ARL10: variants seen among roughly 807,000 people sequenced by gnomAD.
ARL10 encodes the protein ARF like GTPase 10.
A neutral mutation model predicts 26.1 loss-of-function variants in ARL10; 23 were observed. The observed-to-expected ratio is 0.88, with a 90% CI of 0.63 to 1.25. The LOEUF is 1.25. Ranked by LOEUF, ARL10 falls within the 50% of genes most tolerant of loss-of-function variation. The pLI is 0.00. For missense variants in ARL10, 300 were observed against 323.6 expected (o/e 0.93, Z 0.56); for synonymous variants, 138 against 149.1 (o/e 0.93, Z 0.54).
At chr5:176,407,012 C>T in the ARL10 span, among the ~76,000 whole-genome samples, 1 of 152,330 alleles carries the variant, frequency 6.6e-6, no homozygotes, top group African/African-American at 2.4e-5. Flanking sequence ...TGTAAGGATT[C>T]TCGGATGGCA....
chr5:176,384,936 G>C, downstream of ARL10: 1 of 562,504 alleles, frequency 1.8e-6, no homozygotes. Flanking sequence ...CTTCCATCCT[G>C]GGTGACTGAG....
At chr5:176,408,000 G>T in the ARL10 span, among the ~76,000 whole-genome samples, 4 of 152,140 alleles carry the variant, frequency 2.6e-5, no homozygotes, top group African/African-American at 9.7e-5. Context: ...AAAGACCCCA[G>T]GATCAAGGCT....
the ARL10 span, among the ~76,000 whole-genome samples, chr5:176,413,697 T>C: frequency 6.6e-6 from 1 of 152,232 alleles, no homozygotes; most frequent in African/African-American, 2.4e-5. Context: ...TCCAGGCTCC[T>C]GGCACACATC....
downstream of ARL10, chr5:176,389,022 A>T: frequency 6.2e-7 from 1 of 1,603,406 alleles, no homozygotes; most frequent in Non-Finnish European, 8.5e-7. Flanking sequence ...GTGATGTCGG[A>T]GGGAAGGAAG....
chr5:176,401,496 C>T (rs967428702), intron 1 of ARL10, among the ~76,000 whole-genome samples: 2 of 152,212 alleles, frequency 1.3e-5, no homozygotes, highest in Non-Finnish European at 2.9e-5. Flanking sequence ...ATTCCCCAAA[C>T]TTGCCCCACC....
At chr5:176,408,750 G>A in the ARL10 span, among the ~76,000 whole-genome samples, 1 of 152,168 alleles carries the variant, frequency 6.6e-6, no homozygotes, top group Non-Finnish European at 1.5e-5. Context: ...CAAACTCCTG[G>A]ATTCACATGA....
chr5:176,403,874 T>C (rs956622252), downstream of ARL10, among the ~76,000 whole-genome samples: 24 of 152,130 alleles, frequency 1.6e-4, no homozygotes, highest in African/African-American at 5.6e-4. Flanking sequence ...GATTCTCCTG[T>C]CTCAGCCTCA....
At chr5:176,383,927 T>C, downstream of ARL10, 8 of 1,465,748 alleles carry the variant, frequency 5.5e-6, no homozygotes, top group Non-Finnish European at 6.3e-6. Context: ...AGCAGAAAAA[T>C]ACAAAATCAT....
the ARL10 span, chr5:176,410,297 G>T: frequency 6.2e-7 from 1 of 1,613,834 alleles, no homozygotes; most frequent in Non-Finnish European, 8.5e-7. Context: ...CATGTCCTCA[G>T]AACCAGCTGG....
downstream of ARL10, chr5:176,389,383 G>C: frequency 6.2e-7 from 1 of 1,614,106 alleles, no homozygotes; most frequent in Non-Finnish European, 8.5e-7. Context: ...CCTTCCACCG[G>C]GGCAACAGCC....
chr5:176,388,767 A>C (rs1210834887), downstream of ARL10: 48 of 1,591,796 alleles, frequency 3.0e-5, no homozygotes, highest in Non-Finnish European at 3.7e-5. Context: ...CATGACCTTC[A>C]CCGGGAGGCT....
At chr5:176,401,665 C>T (rs892899045) in intron 1 of ARL10, 17 of 450,754 alleles carry the variant, frequency 3.8e-5, no homozygotes, top group Non-Finnish European at 6.7e-5. Context: ...CTCCTGCAAT[C>T]GTCACTCACT....
chr5:176,388,251 G>A, intron 1 of ARL10: 4 of 1,612,520 alleles, frequency 2.5e-6, no homozygotes, highest in African/African-American at 2.7e-5. Context: ...CTTACGGAGG[G>A]GCACCGCCCT....
At chr5:176,411,713 G>T in the ARL10 span, among the ~76,000 whole-genome samples, 11 of 152,066 alleles carry the variant, frequency 7.2e-5, no homozygotes, top group African/African-American at 2.7e-4. Context: ...ATAAATATTT[G>T]CCAGATAAGT....
chr5:176,394,496 A>AC, intron 1 of ARL10, among the ~76,000 whole-genome samples: 1 of 151,830 alleles, frequency 6.6e-6, no homozygotes, highest in Non-Finnish European at 1.5e-5. Context: ...ACATGGTGAA[A>AC]CCCCATCTCT....
chr5:176,366,204 C>T (rs1768293834), intron 1 of ARL10, among the ~76,000 whole-genome samples, 176 bp from the exon 2 acceptor site: 1 of 152,222 alleles, frequency 6.6e-6, no homozygotes, highest in Admixed American at 6.5e-5. Flanking sequence ...AGGAATTCGC[C>T]AAGGGTTTGG....
chr5:176,415,040 G>A, the ARL10 span, among the ~76,000 whole-genome samples: 1 of 152,112 alleles, frequency 6.6e-6, no homozygotes, highest in Non-Finnish European at 1.5e-5. Context: ...ACATCAACAG[G>A]AAGTAAAACC....
downstream of ARL10, among the ~76,000 whole-genome samples, chr5:176,390,182 CA>C (rs60632467): frequency 0.039 from 2,534 of 65,182 alleles, 22 homozygotes; most frequent in Middle Eastern, 0.079. Context: ...AACTCCATCT[CA>C]AAAAAAAAAA....
exon 2 of ARL10, chr5:176,388,576 C>T: frequency 6.4e-7 from 1 of 1,564,230 alleles, no homozygotes; most frequent in Non-Finnish European, 8.8e-7. Flanking sequence ...AAACACGCTG[C>T]CTCTGTCTCT....
Sources: gnomAD v4.1 joint callset for allele counts (sites outside exome capture counted in the v4.1 genomes callset) on GRCh38, gnomAD v4.1.1 for gene constraint, MANE v1.5 for transcripts, NCBI Gene and HGNC (gene_info 2026-07-23, HGNC 2026-07-21) for gene names.